DISC1: variants seen among roughly 807,000 people sequenced by gnomAD.
The protein encoded by DISC1 is DISC1 scaffold protein.
DISC1 carries 57 observed loss-of-function variants against 84.5 expected under a neutral mutation model. The ratio of observed to expected loss-of-function variants is 0.67; its 90% CI spans 0.55 to 0.84. The LOEUF (loss-of-function observed/expected upper bound fraction) is 0.84. DISC1 is among the 40% of genes least tolerant of loss of function. The pLI is 0.00. For synonymous variants in DISC1, 411 were observed against 415.2 expected (o/e 0.99, Z 0.12); for missense variants, 1,000 against 1,057.8 (o/e 0.95, Z 0.76).
chr1:231,822,571 C>T (rs1174845254), intron 9 of DISC1, among the ~76,000 whole-genome samples: 1 of 152,172 alleles, frequency 6.6e-6, no homozygotes. Flanking sequence ...TTCGCAATGA[C>T]AAGATCCTGC....
chr1:232,030,457 C>T (rs1572695472), intron 12 of DISC1, among the ~76,000 whole-genome samples: 1 of 152,216 alleles, frequency 6.6e-6, no homozygotes, highest in Non-Finnish European at 1.5e-5. Context: ...GCCTGGCCCT[C>T]AGTCATAGAC....
intron 3 of DISC1, among the ~76,000 whole-genome samples, chr1:231,708,628 T>C (rs914504522): frequency 7.9e-5 from 12 of 152,304 alleles, no homozygotes; most frequent in East Asian, 5.8e-4. Flanking sequence ...TGGTTTTCAA[T>C]TGAGGTCACG....
intron 1 of DISC1, among the ~76,000 whole-genome samples, chr1:231,627,926 A>G (rs982347424): frequency 1.3e-5 from 2 of 152,162 alleles, no homozygotes; most frequent in African/African-American, 4.8e-5. Flanking sequence ...GTCTGCCTGC[A>G]TGTCAATCCT....
At chr1:231,967,552 T>C (rs950289851) in intron 10 of DISC1, among the ~76,000 whole-genome samples, 1 of 152,330 alleles carries the variant, frequency 6.6e-6, no homozygotes, top group African/African-American at 2.4e-5. Flanking sequence ...AAAATATTCA[T>C]TTACTTATGT....
At chr1:231,642,659 T>G (rs2059823575) in intron 1 of DISC1, among the ~76,000 whole-genome samples, 1 of 152,194 alleles carries the variant, frequency 6.6e-6, no homozygotes, top group African/African-American at 2.4e-5. Context: ...CTATATAACA[T>G]TTTCATCTGT....
chr1:232,013,731 C>G (rs1668236092), intron 11 of DISC1, among the ~76,000 whole-genome samples: 1 of 152,190 alleles, frequency 6.6e-6, no homozygotes, highest in Admixed American at 6.5e-5. Context: ...TCAGATTCTT[C>G]TTGGACGCTC....
chr1:231,821,137 A>G (rs971150522), intron 9 of DISC1, among the ~76,000 whole-genome samples: 1 of 152,166 alleles, frequency 6.6e-6, no homozygotes, highest in Non-Finnish European at 1.5e-5. Context: ...TAGTAAATAT[A>G]CTATACCATC....
chr1:231,845,157 A>T (rs1254823847), intron 9 of DISC1, among the ~76,000 whole-genome samples: 1 of 152,160 alleles, frequency 6.6e-6, no homozygotes, highest in Non-Finnish European at 1.5e-5. Context: ...ACTTCCCGTC[A>T]TAGCCTGAGC....
intron 9 of DISC1, among the ~76,000 whole-genome samples, chr1:231,825,633 C>T (rs1315896958): frequency 2.0e-5 from 3 of 152,200 alleles, no homozygotes; most frequent in African/African-American, 4.8e-5. Context: ...GAACATTTCA[C>T]ATCCCTGGTC....
chr1:231,679,309 C>T (rs2063471850), intron 1 of DISC1, among the ~76,000 whole-genome samples: 1 of 152,226 alleles, frequency 6.6e-6, no homozygotes, highest in Non-Finnish European at 1.5e-5. Context: ...CAGCTCATTG[C>T]CATATTCTGA....
intron 10 of DISC1, among the ~76,000 whole-genome samples, chr1:231,996,391 G>A (rs1200897464): frequency 6.6e-6 from 1 of 152,114 alleles, no homozygotes; most frequent in Non-Finnish European, 1.5e-5. Flanking sequence ...ATTGCTTTTG[G>A]TGTTTTGGAC....
chr1:232,007,322 A>G (rs1489905063), intron 10 of DISC1, among the ~76,000 whole-genome samples: 1 of 152,186 alleles, frequency 6.6e-6, no homozygotes, highest in Non-Finnish European at 1.5e-5. Context: ...GCAGACACTC[A>G]GTGCTAGCCC....
intron 11 of DISC1, among the ~76,000 whole-genome samples, chr1:232,014,527 G>A (rs1232725408): frequency 2.6e-5 from 4 of 152,222 alleles, no homozygotes; most frequent in African/African-American, 9.6e-5. Flanking sequence ...TGCAACCAGG[G>A]TTGGTAATTG....
At chr1:231,752,871 T>C (rs1573525525) in intron 4 of DISC1, among the ~76,000 whole-genome samples, 1 of 152,222 alleles carries the variant, frequency 6.6e-6, no homozygotes, top group East Asian at 1.9e-4. Context: ...CCCATGCAAA[T>C]TGAAATGCAG....
rs1056986658 is a variant in DISC1 at position 231,770,704 on chromosome 1, C to T, written c.1399-131C>T. 4.8e-6 allele frequency: 7 copies of T among 1,466,294 alleles called. No homozygotes were observed. In the Admixed American group the frequency reaches 1.2e-4, roughly 26 times the overall value. 90.8% of individuals were successfully genotyped at this position (1,466,294 alleles called of 1,614,324 possible). On this transcript the variant is annotated intron_variant, in intron 5 of 12. Coordinates refer to ENST00000439617, the MANE Select transcript of DISC1 (RefSeq NM_018662.3). ...AGTTCAGCAAACCTCCAAAAATCTG[C>T]CTGCCTCAGAAGGGGAGTTTTGTAG...
chr1:231,637,550 G>A (rs2059302718), intron 1 of DISC1, among the ~76,000 whole-genome samples: 1 of 152,030 alleles, frequency 6.6e-6, no homozygotes, highest in African/African-American at 2.4e-5. Context: ...CTACATCCAC[G>A]TGTGGACATG....
chr1:231,734,517 G>A (rs149022595), intron 3 of DISC1, among the ~76,000 whole-genome samples: 75 of 151,866 alleles, frequency 4.9e-4, no homozygotes, highest in Middle Eastern at 3.4e-3. Flanking sequence ...ACACACACAC[G>A]CATGCGCACA....
At chr1:231,958,232 T>G (rs963858346) in intron 9 of DISC1, among the ~76,000 whole-genome samples, 4 of 152,258 alleles carry the variant, frequency 2.6e-5, no homozygotes, top group African/African-American at 9.6e-5. Context: ...TTTGATCTGC[T>G]GAACCATAGC....
intron 8 of DISC1, among the ~76,000 whole-genome samples, chr1:231,805,357 C>A (rs1212604617): frequency 6.6e-6 from 1 of 152,106 alleles, no homozygotes; most frequent in Non-Finnish European, 1.5e-5. Flanking sequence ...GTTTAATTGG[C>A]TTATGATTCT....
Sources: gnomAD v4.1 joint callset for allele counts (sites outside exome capture counted in the v4.1 genomes callset) on GRCh38, gnomAD v4.1.1 for gene constraint, MANE v1.5 for transcripts, NCBI Gene and HGNC (gene_info 2026-07-23, HGNC 2026-07-21) for gene names.